The following PRCP variants were observed in gnomAD, a reference collection of about 807,000 sequenced individuals.
The protein encoded by PRCP is prolylcarboxypeptidase, also known as lysosomal Pro-X carboxypeptidase.
Under a neutral mutation model 54.2 loss-of-function variants are expected in PRCP, and 46 were observed. The ratio of observed to expected loss-of-function variants is 0.85; its 90% CI spans 0.67 to 1.09. The LOEUF (loss-of-function observed/expected upper bound fraction) is 1.09, where lower values mean the gene tolerates loss of function less well. Among genes scored for constraint, PRCP ranks in the 50% least tolerant of loss-of-function variants. The pLI, the probability that PRCP is intolerant of heterozygous loss-of-function variation, is 0.00. For synonymous variants in PRCP, 240 were observed against 212.2 expected (o/e 1.13, Z -1.14); for missense variants, 613 against 596.8 (o/e 1.03, Z -0.28).
chr11:82,832,489 G>A (rs751480589), intron 8 of PRCP, among the ~76,000 whole-genome samples: 34 of 152,088 alleles, frequency 2.2e-4, no homozygotes, highest in African/African-American at 5.6e-4. Flanking sequence ...TTTGTTGGCC[G>A]CATAAATATC....
intron 1 of PRCP, among the ~76,000 whole-genome samples, chr11:82,866,641 TAC>T (rs1351235675): frequency 2.0e-5 from 3 of 152,170 alleles, no homozygotes; most frequent in Non-Finnish European, 4.4e-5. Flanking sequence ...CAGCCTCCTA[TAC>T]TCAGATGGTT....
intron 8 of PRCP, among the ~76,000 whole-genome samples, chr11:82,834,071 C>T (rs1470477834): frequency 6.6e-6 from 1 of 152,166 alleles, no homozygotes; most frequent in African/African-American, 2.4e-5. Flanking sequence ...AGGAAACGAG[C>T]TTCTTGCCCT....
At position 82,861,117 on chromosome 11, in the gene PRCP, G is replaced by C. The variant is rs78997702; in HGVS notation, c.169-1000C>G. 6.6e-4 allele frequency among the ~76,000 whole-genome samples: 100 copies of C among 152,102 alleles called. 1 individual carries two copies. The highest frequency in any genetic ancestry group is 2.2e-3 in the African/African-American group (93 of 41,478). On this transcript the variant is annotated intron_variant, in intron 1 of 8. Coordinates refer to ENST00000313010, the MANE Select transcript of PRCP (RefSeq NM_005040.4). ...TTCTAAAAAGGAAAGAAAGGAAAAG[G>C]TTCATTTGCCACCATTTGTTTATTA...
chr11:82,875,865 C>T (rs1591065122), intron 1 of PRCP, among the ~76,000 whole-genome samples: 1 of 152,120 alleles, frequency 6.6e-6, no homozygotes, highest in Non-Finnish European at 1.5e-5. Flanking sequence ...TTTCCAGCCT[C>T]GTCTTCTACC....
chr11:82,860,111 G>T lies in PRCP; in HGVS notation c.175C>A (p.His59Asn). The change falls in exon 2 of 9, where the codon CAT becomes AAT. Residue 59 changes from histidine to asparagine, a missense_variant. Coordinates refer to ENST00000313010, the MANE Select transcript of PRCP (RefSeq NM_005040.4). ...SVLYFQQKVD[H>N]FGFNTVKTFN... Reference sequence around the variant, plus strand: ...GTTTTCACAGTATTAAATCCAAAATGATCAACCTGTGATAAAAACAAAACA... The same window carrying T: ...GTTTTCACAGTATTAAATCCAAAATTATCAACCTGTGATAAAAACAAAACA... The T allele has an allele frequency of 6.6e-7, 1 of 1,506,630 alleles. No individual in the cohort carries two copies. Among genetic ancestry groups the T allele is most frequent in the Non-Finnish European group, 8.9e-7 (1 of 1,120,752 alleles). The allele number at this position is 1,506,630 out of a possible 1,614,324, so 93.3% of individuals were successfully genotyped here.
At chr11:82,833,688 C>G (rs1858448081) in intron 8 of PRCP, among the ~76,000 whole-genome samples, 1 of 152,060 alleles carries the variant, frequency 6.6e-6, no homozygotes, top group South Asian at 2.1e-4. Context: ...AGATATTTGC[C>G]AGATCTGGGC....
chr11:82,898,492 G>A (rs970267124), intron 1 of PRCP, among the ~76,000 whole-genome samples: 3 of 152,066 alleles, frequency 2.0e-5, no homozygotes, highest in Non-Finnish European at 2.9e-5. Context: ...CCTCCCCACC[G>A]TTTTACTTTA....
chr11:82,881,665 G>C (rs1191931250), intron 1 of PRCP, among the ~76,000 whole-genome samples: 2 of 152,180 alleles, frequency 1.3e-5, no homozygotes, highest in Admixed American at 1.3e-4. Flanking sequence ...TGGTAACCCT[G>C]GGAAAGCAAA....
intron 1 of PRCP, among the ~76,000 whole-genome samples, chr11:82,867,493 G>A (rs894095953): frequency 1.3e-5 from 2 of 152,156 alleles, no homozygotes; most frequent in African/African-American, 4.8e-5. Flanking sequence ...TTTCATTAGA[G>A]GGAGATTCTA....
Position 82,859,954 on chromosome 11 carries a change from G to A in PRCP, c.309+23C>T, listed in dbSNP as rs145632491. On this transcript the variant is annotated intron_variant, in intron 2 of 8. Transcript: ENST00000313010. Reference sequence around the variant, plus strand: ...ATAATAAAAGTCAAATTGAGCACTGGAATTTCATGAATCTGCACATACCGT... The same window carrying A: ...ATAATAAAAGTCAAATTGAGCACTGAAATTTCATGAATCTGCACATACCGT... 8.3e-4 allele frequency: 1,269 copies of A among 1,533,248 alleles called. 3 individuals carry two copies. Among genetic ancestry groups the A allele is most frequent in the Non-Finnish European group, 9.7e-4 (1,106 of 1,142,270 alleles). 95.0% of individuals were successfully genotyped at this position (1,533,248 alleles called of 1,614,324 possible).
At chr11:82,850,606 T>C in intron 3 of PRCP, 101 bp from the exon 4 acceptor site, 3 of 980,508 alleles carry the variant, frequency 3.1e-6, no homozygotes, top group Non-Finnish European at 4.1e-6. Flanking sequence ...TAAGCTTTTC[T>C]CTAAATAGAA....
intron 1 of PRCP, among the ~76,000 whole-genome samples, chr11:82,860,477 C>T (rs991955822): frequency 1.3e-5 from 2 of 151,808 alleles, no homozygotes; most frequent in Middle Eastern, 3.2e-3. Flanking sequence ...TAAAATTTTA[C>T]GTATGGTGTA....
Position 82,894,856 on chromosome 11 carries a change from C to A in PRCP, c.168+5379G>T, listed in dbSNP as rs973993307. On this transcript the variant is annotated intron_variant, in intron 1 of 8. Coordinates refer to ENST00000313010, the MANE Select transcript of PRCP (RefSeq NM_005040.4). ...TTCCAAAAACCTAAAAGGGTAAATT[C>A]ATTACCATATTTCCCCCCAACACTT... Among the ~76,000 whole-genome samples the A allele has an allele frequency of 4.6e-5, 7 of 152,228 alleles. No individual in the cohort carries two copies. The South Asian group carries it at 1.2e-3, about 27-fold the overall frequency.
chr11:82,900,225 TC>T lies in PRCP; in HGVS notation c.168+9del. On this transcript the variant is annotated intron_variant, in intron 1 of 8. Transcript: ENST00000313010. ...GGGCCTGGGACGGCGAAGCCCCCGC[TC>T]CCCCTTACCTTCTGTTGGAAGTAGA... The T allele has an allele frequency of 6.2e-7, 1 of 1,613,616 alleles. No homozygotes were observed.
rs1859002932 is a variant in PRCP, at chr11:82,853,263, C to T, written c.325G>A (p.Val109Met). ...FCNNTGFMWD[V>M]AEELKAMLVF... ...AACATAGCTTTCAGTTCCTCAGCCA[C>T]ATCCCACATGAACCCCTAAGAAGAG... The change falls in exon 3 of 9, where the codon GTG (valine) becomes ATG (methionine). Residue 109 changes from valine to methionine, a missense_variant. Physicochemically the swap from Val to Met is conservative, Grantham distance 21 (BLOSUM62 1). Coordinates refer to ENST00000313010, the MANE Select transcript of PRCP (RefSeq NM_005040.4). 4 of 1,612,150 alleles carry T rather than the reference C, an allele frequency of 2.5e-6. No individual in the cohort carries two copies. The highest frequency in any genetic ancestry group is 2.7e-5 in the African/African-American group (2 of 74,824).
At chr11:82,867,718 C>CA (rs1859374939) in intron 1 of PRCP, among the ~76,000 whole-genome samples, 1 of 151,522 alleles carries the variant, frequency 6.6e-6, no homozygotes, top group South Asian at 2.1e-4. Context: ...AAGACCATTA[C>CA]TTTTTTTTTG....
intron 6 of PRCP, among the ~76,000 whole-genome samples, chr11:82,847,102 C>T (rs1858826479): frequency 6.6e-6 from 1 of 152,158 alleles, no homozygotes; most frequent in Admixed American, 6.5e-5. Context: ...AAAATATAGC[C>T]CTTTGAATGC....
chr11:82,892,085 G>A (rs1860018867), intron 1 of PRCP, among the ~76,000 whole-genome samples: 1 of 152,148 alleles, frequency 6.6e-6, no homozygotes, highest in African/African-American at 2.4e-5. Context: ...TTGTTGTAAA[G>A]CTGAATATGA....
At chr11:82,880,749 G>C (rs573053761) in intron 1 of PRCP, among the ~76,000 whole-genome samples, 1 of 150,414 alleles carries the variant, frequency 6.6e-6, no homozygotes, top group African/African-American at 2.4e-5. Context: ...AAAATATTGA[G>C]AAGGAAAACA....
Sources: allele counts gnomAD v4.1 joint callset (sites outside exome capture counted in the v4.1 genomes callset), GRCh38; gene constraint gnomAD v4.1.1; transcripts MANE v1.5; gene names NCBI Gene and HGNC (gene_info 2026-07-23, HGNC 2026-07-21).